The following UBOX5 variants were observed in gnomAD, a reference collection of about 807,000 sequenced individuals.
UBOX5 encodes the protein RING finger protein 37.
In UBOX5, 28 loss-of-function variants were observed where a neutral mutation model predicts 39.0. The ratio of observed to expected loss-of-function variants is 0.72; its 90% CI spans 0.53 to 0.98. The LOEUF (loss-of-function observed/expected upper bound fraction) is 0.98, where lower values mean the gene tolerates loss of function less well. UBOX5 is among the 50% of genes least tolerant of loss of function. The pLI is 0.00. For synonymous variants in UBOX5, 283 were observed against 275.5 expected (o/e 1.03, Z -0.27); for missense variants, 585 against 674.4 (o/e 0.87, Z 1.47).
Position 3,115,387 on chromosome 20 carries a change from G to A in UBOX5, c.1335C>T (p.Phe445=). 6.2e-7 allele frequency: 1 copy of A among 1,614,232 alleles called. No homozygotes were observed. The highest frequency in any genetic ancestry group is 1.1e-5 in the South Asian group (1 of 91,084). ...LASTLGSMPS[F]TARLTRGQLQ... is the part of the protein sequence containing the mutation. ...GCTGTCCCCTGGTCAGCCGTGCCGT[G>A]AAGGAGGGCATAGAGCCAAGGGTGG... The change falls in exon 4 of 5, where the codon TTC becomes TTT. Residue 445 remains phenylalanine (F), a synonymous_variant. Transcript: ENST00000217173.
chr20:3,114,252 G>A (rs1246721488), intron 4 of UBOX5, among the ~76,000 whole-genome samples: 1 of 152,130 alleles, frequency 6.6e-6, no homozygotes, highest in Admixed American at 6.5e-5. Context: ...GTTTTCACTT[G>A]GGTAACAGAG....
At chr20:3,148,094 A>C in intron 1 of UBOX5, 1 of 1,614,126 alleles carries the variant, frequency 6.2e-7, no homozygotes, top group Non-Finnish European at 8.5e-7. Context: ...ACTTGATTTA[A>C]AGAACCCCAA....
rs1048265111 is a variant in UBOX5, at chr20:3,109,722, G to C, written c.*384C>G. The stretch of plus-strand genomic sequence containing the variant: ...ACTTTTGGATGACCCTGAAGGCAGA[G>C]ACTCCTGAGATCTGGGCCACAATCT... On this transcript the variant is annotated 3_prime_UTR_variant, in exon 5 of 5. Coordinates refer to ENST00000217173, the MANE Select transcript of UBOX5 (RefSeq NM_014948.4). 2.3e-5 allele frequency: 6 copies of C among 258,054 alleles called. No homozygotes were observed. Among genetic ancestry groups the C allele is most frequent in the South Asian group, 2.1e-4 (4 of 19,134 alleles). 16.0% of individuals were successfully genotyped at this position (258,054 alleles called of 1,614,324 possible).
At chr20:3,133,974 C>A (rs962747849) in intron 1 of UBOX5, among the ~76,000 whole-genome samples, 4 of 152,064 alleles carry the variant, frequency 2.6e-5, no homozygotes, top group African/African-American at 9.7e-5. Flanking sequence ...CCAGGCTCTT[C>A]TCAAACTCCT....
In UBOX5 at chr20:3,142,007, T is replaced by TTTTTC. The variant is rs375226787; in HGVS notation, c.-42+17754_-42+17758dup. ...CAGCCTGGGCAACAGAGTGAGACCC[T>TTTTTC]TTTTCTTTTCTTTTCTTTTCTTTTT... On this transcript the variant is annotated intron_variant, in intron 1 of 4. Coordinates refer to ENST00000217173, the MANE Select transcript of UBOX5 (RefSeq NM_014948.4). Among the ~76,000 whole-genome samples, 34 of 150,536 alleles carry TTTTTC rather than the reference T, an allele frequency of 2.3e-4. No homozygotes were observed. In the East Asian group the frequency reaches 3.0e-3, roughly 13 times the overall value.
Position 3,123,179 on chromosome 20 carries a change from A to G in UBOX5, c.54+133T>C, listed in dbSNP as rs963140399. On this transcript the variant is annotated intron_variant, in intron 2 of 4. Coordinates refer to ENST00000217173, the MANE Select transcript of UBOX5 (RefSeq NM_014948.4). ...CCTGCCCCATGCTTACCTAAATACC[A>G]TCTGATGGAATCTAAAGTAACAAGA... The G allele has an allele frequency of 2.4e-5, 21 of 892,832 alleles. No individual in the cohort carries two copies. In the African/African-American group the frequency reaches 2.5e-4, roughly 11 times the overall value. 55.3% of individuals were successfully genotyped at this position (892,832 alleles called of 1,614,324 possible).
At chr20:3,113,263 G>A (rs576247969) in intron 4 of UBOX5, among the ~76,000 whole-genome samples, 20 of 149,510 alleles carry the variant, frequency 1.3e-4, no homozygotes, top group East Asian at 1.9e-4. Context: ...ACTCTAGCCC[G>A]GGCAACAGAG....
chr20:3,135,225 T>C (rs1313719429), intron 1 of UBOX5, among the ~76,000 whole-genome samples: 3 of 152,146 alleles, frequency 2.0e-5, no homozygotes, highest in African/African-American at 7.2e-5. Flanking sequence ...GGAGTAAACA[T>C]GTGAACTTAG....
rs756752383 is a variant in UBOX5, at chr20:3,121,488, A to G, written c.1151T>C (p.Phe384Ser). 1 of 1,614,062 alleles carries G rather than the reference A, an allele frequency of 6.2e-7. No individual in the cohort carries two copies. Among genetic ancestry groups the G allele is most frequent in the Non-Finnish European group, 8.5e-7 (1 of 1,180,014 alleles). ...DSNFGVNASC[F>S]SATSPLVLPT... The stretch of plus-strand genomic sequence containing the variant: ...TAAGACCAAAGGGCTTGTGGCAGAA[A>G]AACAGGAAGCATTTACACCAAAGTT... The change falls in exon 3 of 5, where the codon TTT becomes TCT. Residue 384 changes from phenylalanine (F) to serine (S), a missense_variant. Physicochemically the swap from Phe to Ser is radical, Grantham distance 155. Coordinates refer to ENST00000217173, the MANE Select transcript of UBOX5 (RefSeq NM_014948.4).
At chr20:3,157,787 A>G (rs969690534) in intron 1 of UBOX5, among the ~76,000 whole-genome samples, 3 of 152,246 alleles carry the variant, frequency 2.0e-5, no homozygotes, top group Admixed American at 1.3e-4. Flanking sequence ...CCAAGTACCT[A>G]TAACTGTTAG....
chr20:3,125,225 C>T (rs1406123872), intron 1 of UBOX5, among the ~76,000 whole-genome samples: 1 of 150,212 alleles, frequency 6.7e-6, no homozygotes, highest in East Asian at 2.0e-4. Flanking sequence ...TGCCTGGCAG[C>T]CACCCCATCT....
At chr20:3,143,987 T>C (rs1198099730) in intron 1 of UBOX5, among the ~76,000 whole-genome samples, 2 of 151,960 alleles carry the variant, frequency 1.3e-5, no homozygotes, top group African/African-American at 2.4e-5. Context: ...ACTAAGAAAA[T>C]GTAAGATTTA....
chr20:3,129,436 C>T (rs1242448836), intron 1 of UBOX5, among the ~76,000 whole-genome samples: 1 of 152,162 alleles, frequency 6.6e-6, no homozygotes, highest in Non-Finnish European at 1.5e-5. Flanking sequence ...AGTAGCAGGA[C>T]ATATCAGGTG....
chr20:3,148,274 G>GA lies in UBOX5; in HGVS notation c.-42+11491dup, dbSNP rs1436077092. The GA allele has an allele frequency of 3.7e-6, 6 of 1,610,898 alleles. No homozygotes were observed. In the South Asian group the frequency reaches 5.5e-5, roughly 15 times the overall value. ...CTTCCAGTGCAAATTAAGATAACTA[G>GA]AAAAAATGTTTAAAAACCTAGGTAC... On this transcript the variant is annotated intron_variant, in intron 1 of 4. Coordinates refer to ENST00000217173, the MANE Select transcript of UBOX5 (RefSeq NM_014948.4).
intron 1 of UBOX5, among the ~76,000 whole-genome samples, chr20:3,146,351 C>CA (rs1404706890): frequency 9.3e-6 from 1 of 107,562 alleles, no homozygotes; most frequent in Non-Finnish European, 1.7e-5. Flanking sequence ...AAAAAACAAA[C>CA]AAAAAAACTG....
intron 1 of UBOX5, among the ~76,000 whole-genome samples, chr20:3,157,028 G>A (rs770368824): frequency 9.2e-5 from 14 of 152,108 alleles, no homozygotes; most frequent in African/African-American, 3.1e-4. Context: ...TTGGAAGGCC[G>A]AGCAGGCAGA....
chr20:3,143,813 G>A (rs1298753344), intron 1 of UBOX5, among the ~76,000 whole-genome samples: 1 of 151,856 alleles, frequency 6.6e-6, no homozygotes, highest in African/African-American at 2.4e-5. Flanking sequence ...AAAAAAATTA[G>A]CCAGTTATGG....
At position 3,121,414 on chromosome 20, in the gene UBOX5, G is replaced by A; in HGVS notation, c.1225C>T (p.Pro409Ser). 1 of 1,613,706 alleles carries A rather than the reference G, an allele frequency of 6.2e-7. No individual in the cohort carries two copies. Among genetic ancestry groups the A allele is most frequent in the Non-Finnish European group, 8.5e-7 (1 of 1,179,758 alleles). Residue 409 changes from proline (P) to serine (S), a missense_variant, in exon 3 of 5, where the codon CCC (proline) becomes TCC (serine). Pro to Ser is a moderately conservative substitution (Grantham distance 74, BLOSUM62 -1). Coordinates refer to ENST00000217173, the MANE Select transcript of UBOX5 (RefSeq NM_014948.4). ...TAKKMKATNE[P>S]SLTHMDCSTG... ...GAGCAGTCCATATGTGTCAGGCTGG[G>A]CTCATTGGTGGCTTTCATTTTCTTA...
At position 3,113,835 on chromosome 20, in the gene UBOX5, T is replaced by C. The variant is rs118016360; in HGVS notation, c.1417+1470A>G. ...AGCAGTACAGAGTCTGAATGTTTCC[T>C]TTAGAGAGGATGCTGAGCCTGGCCA... On this transcript the variant is annotated intron_variant, in intron 4 of 4. Coordinates refer to ENST00000217173, the MANE Select transcript of UBOX5 (RefSeq NM_014948.4). 3.6e-3 allele frequency among the ~76,000 whole-genome samples: 549 copies of C among 152,264 alleles called. 20 individuals are homozygous for C. The East Asian group carries it at 0.078, about 22-fold the overall frequency.
Sources: allele counts gnomAD v4.1 joint callset (sites outside exome capture counted in the v4.1 genomes callset), GRCh38; gene constraint gnomAD v4.1.1; transcripts MANE v1.5; gene names NCBI Gene and HGNC (gene_info 2026-07-23, HGNC 2026-07-21).